The following TRAPPC9 variants were observed in gnomAD, a reference collection of about 807,000 sequenced individuals.
TRAPPC9 encodes IKK2 binding protein.
TRAPPC9 carries 83 observed loss-of-function variants against 124.0 expected under a neutral mutation model. That is an observed-to-expected ratio of 0.67 (90% confidence interval 0.56 to 0.80). The LOEUF (loss-of-function observed/expected upper bound fraction) is 0.80. Ranked by LOEUF, TRAPPC9 falls within the 30% of genes least tolerant of loss-of-function variation. The pLI is 0.00. For synonymous variants in TRAPPC9, 638 were observed against 617.5 expected (o/e 1.03, Z -0.49); for missense variants, 1,302 against 1,508.3 (o/e 0.86, Z 2.27).
intron 21 of TRAPPC9, among the ~76,000 whole-genome samples, chr8:139,769,228 G>A (rs983730933): frequency 2.0e-5 from 3 of 152,100 alleles, no homozygotes; most frequent in African/African-American, 7.2e-5. Flanking sequence ...TTTTTTCCTC[G>A]ACATACATAC....
At chr8:140,281,666 T>C (rs2065326208) in intron 14 of TRAPPC9, among the ~76,000 whole-genome samples, 1 of 152,234 alleles carries the variant, frequency 6.6e-6, no homozygotes, top group Non-Finnish European at 1.5e-5. Context: ...ATCAAAGAAC[T>C]CTGCCCAATT....
At chr8:140,456,423 A>G (rs1239373907) in intron 1 of TRAPPC9, among the ~76,000 whole-genome samples, 1 of 152,142 alleles carries the variant, frequency 6.6e-6, no homozygotes, top group African/African-American at 2.4e-5. Flanking sequence ...AAAAAAAAAA[A>G]AAAAGAAAAA....
chr8:139,990,588 C>T (rs904305462), intron 18 of TRAPPC9, among the ~76,000 whole-genome samples: 4 of 151,766 alleles, frequency 2.6e-5, no homozygotes, highest in African/African-American at 9.7e-5. Flanking sequence ...GTCACCATTT[C>T]TTTTTCTTTT....
chr8:140,130,378 T>A (rs997612850), intron 17 of TRAPPC9, among the ~76,000 whole-genome samples: 3 of 152,202 alleles, frequency 2.0e-5, no homozygotes, highest in Non-Finnish European at 4.4e-5. Context: ...AGAACTGGGA[T>A]GAACCACCTG....
intron 21 of TRAPPC9, among the ~76,000 whole-genome samples, chr8:139,838,337 C>T (rs543809090): frequency 2.3e-4 from 35 of 152,338 alleles, no homozygotes; most frequent in African/African-American, 8.4e-4. Context: ...GGCTTTTCTT[C>T]CCTGCTGGAC....
At chr8:140,109,243 A>G (rs1277633202) in intron 17 of TRAPPC9, among the ~76,000 whole-genome samples, 1 of 152,184 alleles carries the variant, frequency 6.6e-6, no homozygotes, top group East Asian at 1.9e-4. Flanking sequence ...AACCCAAGTG[A>G]TTCCAGGACA....
intron 21 of TRAPPC9, among the ~76,000 whole-genome samples, chr8:139,850,435 C>T (rs1488541851): frequency 6.6e-6 from 1 of 152,230 alleles, no homozygotes; most frequent in Non-Finnish European, 1.5e-5. Context: ...TGGTGGCTCT[C>T]TTGCCATTGC....
chr8:139,868,651 G>A (rs555748983), intron 21 of TRAPPC9, among the ~76,000 whole-genome samples: 26 of 152,244 alleles, frequency 1.7e-4, no homozygotes, highest in South Asian at 6.2e-4. Flanking sequence ...CCTCACATAC[G>A]CTTTGTTCTC....
chr8:139,887,646 C>T (rs1341775709), intron 20 of TRAPPC9, among the ~76,000 whole-genome samples: 1 of 152,196 alleles, frequency 6.6e-6, no homozygotes, highest in Non-Finnish European at 1.5e-5. Context: ...CTGCCCTCTT[C>T]TCTTCCCTGA....
chr8:140,299,441 C>A (rs948039572), intron 11 of TRAPPC9, among the ~76,000 whole-genome samples: 2 of 152,206 alleles, frequency 1.3e-5, no homozygotes, highest in Non-Finnish European at 2.9e-5. Flanking sequence ...ATTGGAGGTA[C>A]AGGAATTAAG....
At chr8:140,196,488 AAC>A (rs1432135563) in intron 17 of TRAPPC9, among the ~76,000 whole-genome samples, 1 of 42,910 alleles carries the variant, frequency 2.3e-5, no homozygotes, top group East Asian at 4.5e-4. Flanking sequence ...GTGACACTAA[AAC>A]ACACTCAACG....
At chr8:140,419,981 G>C (rs903457183) in intron 5 of TRAPPC9, among the ~76,000 whole-genome samples, 1 of 151,996 alleles carries the variant, frequency 6.6e-6, no homozygotes, top group Admixed American at 6.6e-5. Flanking sequence ...AAAACTTTTA[G>C]AGCTAAGAAA....
chr8:140,342,732 G>A (rs2067228854), intron 9 of TRAPPC9, among the ~76,000 whole-genome samples: 1 of 152,100 alleles, frequency 6.6e-6, no homozygotes, highest in Non-Finnish European at 1.5e-5. Context: ...AAAAATGCAA[G>A]GGGGAAAAAC....
chr8:140,036,994 CT>C (rs1199248407), intron 17 of TRAPPC9, among the ~76,000 whole-genome samples: 5 of 152,212 alleles, frequency 3.3e-5, no homozygotes, highest in Admixed American at 1.3e-4. Flanking sequence ...TATCCCTCCC[CT>C]AGCCCCCCAC....
intron 7 of TRAPPC9, among the ~76,000 whole-genome samples, chr8:140,378,538 T>A (rs1015056757): frequency 4.6e-5 from 7 of 152,174 alleles, no homozygotes; most frequent in African/African-American, 1.7e-4. Flanking sequence ...TGTGGAACCT[T>A]GTAATCATGT....
At chr8:140,188,436 T>C (rs1420727843) in intron 17 of TRAPPC9, among the ~76,000 whole-genome samples, 1 of 152,224 alleles carries the variant, frequency 6.6e-6, no homozygotes, top group African/African-American at 2.4e-5. Context: ...CCAAAACACA[T>C]TACTTCTCAG....
In TRAPPC9 at chr8:140,210,413, T is replaced by C. The variant is rs531681182; in HGVS notation, c.2556+11046A>G. The stretch of plus-strand genomic sequence containing the variant: ...CATCGGAAAATGCTGGACAGGACAC[T>C]GTGGCGGCTGCTGCTGCTGGAGGGA... On this transcript the variant is annotated intron_variant, in intron 17 of 22. Coordinates refer to ENST00000438773, the MANE Select transcript of TRAPPC9 (RefSeq NM_001160372.4). Among the ~76,000 whole-genome samples the C allele has an allele frequency of 3.3e-5, 5 of 152,322 alleles. No homozygotes were observed. The East Asian group carries it at 9.7e-4, about 29-fold the overall frequency.
chr8:140,457,811 G>A (rs971612942), upstream of TRAPPC9: 6 of 1,062,394 alleles, frequency 5.6e-6, no homozygotes, highest in East Asian at 2.7e-4. Context: ...ATCCGTCCCG[G>A]GTTTTGCAAG....
intron 17 of TRAPPC9, among the ~76,000 whole-genome samples, chr8:140,174,997 G>A (rs539844460): frequency 0.027 from 3,618 of 133,162 alleles, 65 homozygotes; most frequent in Non-Finnish European, 0.036. Context: ...CAATGCACCT[G>A]GGGATTTTTT....
Sources: allele counts gnomAD v4.1 joint callset (sites outside exome capture counted in the v4.1 genomes callset), GRCh38; gene constraint gnomAD v4.1.1; transcripts MANE v1.5; gene names NCBI Gene and HGNC (gene_info 2026-07-23, HGNC 2026-07-21).